ZNF609: variants seen among roughly 807,000 people sequenced by gnomAD.
The protein encoded by ZNF609 is zinc finger protein 609.
ZNF609 carries 11 observed loss-of-function variants against 109.5 expected under a neutral mutation model. The ratio of observed to expected loss-of-function variants is 0.10; its 90% CI spans 0.06 to 0.17. The LOEUF is 0.17. Ranked by LOEUF, ZNF609 falls within the 10% of genes least tolerant of loss-of-function variation. ZNF609 has a pLI of 1.00. For synonymous variants in ZNF609, 646 were observed against 662.0 expected (o/e 0.98, Z 0.37); for missense variants, 1,559 against 1,772.4 (o/e 0.88, Z 2.16).
chr15:64,480,109 G>A (rs1893230938), intron 1 of ZNF609, among the ~76,000 whole-genome samples: 1 of 151,176 alleles, frequency 6.6e-6, no homozygotes, highest in Non-Finnish European at 1.5e-5. Flanking sequence ...ATGGTGGCAG[G>A]TGCCTGTAAT....
chr15:64,556,261 G>A, intron 2 of ZNF609, among the ~76,000 whole-genome samples: 1 of 151,892 alleles, frequency 6.6e-6, no homozygotes, highest in Non-Finnish European at 1.5e-5. Context: ...CTCCCAAAGT[G>A]CTGGGAGTAC....
chr15:64,462,739 A>G (rs949436018), intron 1 of ZNF609, among the ~76,000 whole-genome samples: 4 of 152,224 alleles, frequency 2.6e-5, no homozygotes, highest in African/African-American at 7.2e-5. Context: ...ACCTTTCAAT[A>G]TTTATTTTAA....
At chr15:64,491,182 A>G (rs553783335) in intron 1 of ZNF609, among the ~76,000 whole-genome samples, 3 of 152,310 alleles carry the variant, frequency 2.0e-5, no homozygotes, top group South Asian at 2.1e-4. Context: ...ATTGTTTCTC[A>G]TTAGAGCCCT....
chr15:64,551,654 A>G (rs1894479232), intron 2 of ZNF609, among the ~76,000 whole-genome samples: 1 of 114,756 alleles, frequency 8.7e-6, no homozygotes, highest in Admixed American at 8.1e-5. Flanking sequence ...CTCTGTCTCA[A>G]AAAAAAAAAA....
At chr15:64,488,858 A>T (rs1246809390) in intron 1 of ZNF609, among the ~76,000 whole-genome samples, 1 of 151,964 alleles carries the variant, frequency 6.6e-6, no homozygotes, top group Admixed American at 6.6e-5. Flanking sequence ...GGATCTCTTG[A>T]ACGCAGGAGT....
chr15:64,533,843 G>A (rs1036861746), intron 2 of ZNF609, among the ~76,000 whole-genome samples: 7 of 152,082 alleles, frequency 4.6e-5, no homozygotes, highest in African/African-American at 1.7e-4. Flanking sequence ...CCAGGTAATG[G>A]GCATTGATAC....
intron 3 of ZNF609, among the ~76,000 whole-genome samples, chr15:64,659,497 A>G (rs1475286740): frequency 6.6e-6 from 1 of 152,210 alleles, no homozygotes; most frequent in Non-Finnish European, 1.5e-5. Context: ...GAGGTTGGTG[A>G]TAAGGGAAAG....
At chr15:64,508,684 A>ATTT (rs1160116983) in intron 2 of ZNF609, among the ~76,000 whole-genome samples, 9 of 130,516 alleles carry the variant, frequency 6.9e-5, no homozygotes, top group East Asian at 2.1e-4. Context: ...GACCCAGAAA[A>ATTT]TTTTTTTTTT....
At chr15:64,625,930 T>G (rs1273722505) in intron 3 of ZNF609, among the ~76,000 whole-genome samples, 49 of 72,784 alleles carry the variant, frequency 6.7e-4, no homozygotes, top group Non-Finnish European at 1.0e-3. Flanking sequence ...TATATATATA[T>G]ATATATAGAG....
At position 64,672,651 on chromosome 15, in the gene ZNF609, C is replaced by G. The variant is rs1452709306; in HGVS notation, c.1062-1265C>G. On this transcript the variant is annotated intron_variant, in intron 4 of 9. Transcript: ENST00000326648. ...AAAAAAAAAAAAGACTATATTCAGA[C>G]CATAATAGTTGCCCTGATAAGAATC... Among the ~76,000 whole-genome samples, 7 of 145,662 alleles carry G rather than the reference C, an allele frequency of 4.8e-5. No homozygotes were observed. In the Admixed American group the frequency reaches 4.8e-4, roughly 10 times the overall value.
At chr15:64,562,281 T>C (rs1258932579) in intron 2 of ZNF609, among the ~76,000 whole-genome samples, 2 of 152,254 alleles carry the variant, frequency 1.3e-5, no homozygotes, top group African/African-American at 2.4e-5. Context: ...AGAATAGTTA[T>C]CATTTATTTT....
At chr15:64,663,727 G>A (rs1896610632) in intron 3 of ZNF609, among the ~76,000 whole-genome samples, 1 of 152,154 alleles carries the variant, frequency 6.6e-6, no homozygotes, top group African/African-American at 2.4e-5. Context: ...AAGGAGCTGA[G>A]CATGAAGGTA....
intron 2 of ZNF609, among the ~76,000 whole-genome samples, chr15:64,547,011 G>A (rs1332393915): frequency 6.7e-6 from 1 of 149,860 alleles, no homozygotes; most frequent in Non-Finnish European, 1.5e-5. Context: ...AGGATGGTCT[G>A]GATCTCCTGA....
At chr15:64,679,275 T>C (rs755431935) in intron 6 of ZNF609, among the ~76,000 whole-genome samples, 22 of 152,222 alleles carry the variant, frequency 1.4e-4, no homozygotes, top group Non-Finnish European at 1.9e-4. Flanking sequence ...TTCTTCCGTG[T>C]TGGTCAGGCT....
intron 2 of ZNF609, among the ~76,000 whole-genome samples, chr15:64,618,452 G>A (rs1895832715): frequency 6.6e-6 from 1 of 152,148 alleles, no homozygotes; most frequent in Non-Finnish European, 1.5e-5. Flanking sequence ...TCCTTAGGCG[G>A]CTTGTGTTAG....
At chr15:64,598,784 A>ATATC (rs1555421963) in intron 2 of ZNF609, among the ~76,000 whole-genome samples, 83 of 116,928 alleles carry the variant, frequency 7.1e-4, no homozygotes, top group Non-Finnish European at 1.2e-3. Flanking sequence ...ATATATATAT[A>ATATC]TATCCTGTTA....
chr15:64,488,593 C>T (rs1893363515), intron 1 of ZNF609, among the ~76,000 whole-genome samples: 1 of 152,034 alleles, frequency 6.6e-6, no homozygotes, highest in Non-Finnish European at 1.5e-5. Flanking sequence ...TTTTTTGTGG[C>T]TAGTCTAACA....
Position 64,674,553 on chromosome 15 carries a change from C to T in ZNF609, c.1699C>T (p.Pro567Ser). The change falls in exon 5 of 10, where the codon CCC becomes TCC. Residue 567 changes from proline to serine, a missense_variant. Physicochemically the swap from Pro to Ser is moderately conservative, Grantham distance 74. Around this residue, in one of 4 missense-constraint regions of ZNF609, gnomAD observed 1,204 missense variants for 1,314.1 expected, o/e 0.92. Coordinates refer to ENST00000326648, the MANE Select transcript of ZNF609 (RefSeq NM_015042.2). ...CTTGTCCCCTGCCCGCTCAGCTACCCCCAAAGTTCGACTTGTAGAGCCCCA... is the reference window on the plus strand; with the variant it reads ...CTTGTCCCCTGCCCGCTCAGCTACCTCCAAAGTTCGACTTGTAGAGCCCCA... ...GSLSPARSAT[P>S]KVRLVEPHSP... The T allele has an allele frequency of 1.2e-6, 2 of 1,614,078 alleles. No homozygotes were observed. The highest frequency in any genetic ancestry group is 2.2e-5 in the South Asian group (2 of 91,082).
chr15:64,524,563 CAAA>C (rs539781729), intron 2 of ZNF609, among the ~76,000 whole-genome samples: 6 of 99,934 alleles, frequency 6.0e-5, no homozygotes, highest in African/African-American at 1.3e-4. Flanking sequence ...GACTCCATCT[CAAA>C]AAAAAAAAAA....
Sources: allele counts gnomAD v4.1 joint callset (sites outside exome capture counted in the v4.1 genomes callset), GRCh38; gene constraint gnomAD v4.1.1; regional missense constraint gnomAD v4.1.1; transcripts MANE v1.5; gene names NCBI Gene and HGNC (gene_info 2026-07-23, HGNC 2026-07-21).